The following EP400 variants were observed in gnomAD, a reference collection of about 807,000 sequenced individuals.
EP400 encodes the protein E1A-binding protein p400.
A neutral mutation model predicts 354.1 loss-of-function variants in EP400; 105 were observed. That is an observed-to-expected ratio of 0.30 (90% CI 0.25 to 0.35). EP400 has a LOEUF of 0.35. EP400 is among the 10% of genes least tolerant of loss of function. The pLI is 1.00. For missense variants in EP400, 3,280 were observed against 4,121.0 expected (o/e 0.80, Z 5.59); for synonymous variants, 1,646 against 1,716.9 (o/e 0.96, Z 1.02).
At chr12:132,037,549 C>T (rs1159314788) in intron 30 of EP400, 133 bp from the exon 31 acceptor site, 5 of 707,158 alleles carry the variant, frequency 7.1e-6, no homozygotes, top group African/African-American at 3.5e-5. Context: ...TGGTGCCCCA[C>T]GAAGGCATGT....
intron 38 of EP400, 82 bp downstream of exon 38, chr12:132,045,642 C>A: frequency 1.9e-6 from 3 of 1,602,880 alleles, no homozygotes; most frequent in Non-Finnish European, 2.6e-6. Flanking sequence ...TCACTGTGAT[C>A]ACTTTGCAGG....
intron 48 of EP400, 158 bp downstream of exon 48, chr12:132,065,044 C>A: frequency 1.5e-6 from 2 of 1,322,626 alleles, no homozygotes; most frequent in Non-Finnish European, 2.0e-6. Context: ...GAGGACGGGA[C>A]TCACCACTCG....
At chr12:132,063,283 C>T (rs1038413760) in intron 47 of EP400, among the ~76,000 whole-genome samples, 1 of 152,176 alleles carries the variant, frequency 6.6e-6, no homozygotes, top group East Asian at 1.9e-4. Flanking sequence ...GAGGCCAAGG[C>T]GGGCAGAGCA....
intron 12 of EP400, 144 bp downstream of exon 12, chr12:131,995,100 T>G: frequency 1.4e-6 from 1 of 735,794 alleles, no homozygotes; most frequent in Non-Finnish European, 2.2e-6. Flanking sequence ...CCTGCTGCTC[T>G]CTCTCCTGAC....
At chr12:131,965,613 C>T (rs936721027) in intron 2 of EP400, among the ~76,000 whole-genome samples, 7 of 152,152 alleles carry the variant, frequency 4.6e-5, no homozygotes, top group African/African-American at 1.7e-4. Flanking sequence ...TCCATCACCT[C>T]CCAAAATGTT....
chr12:132,030,128 C>T lies in EP400; in HGVS notation c.5724C>T (p.Ile1908=), dbSNP rs561682595. 5.1e-5 allele frequency: 83 copies of T among 1,614,120 alleles called. No individual in the cohort carries two copies. In the South Asian group the frequency reaches 5.8e-4, roughly 11 times the overall value. The part of the protein sequence containing the change: ...LNFHYLTYVR[I]DENASSEQRQ... ...TCCATTACCTCACCTATGTAAGAAT[C>T]GATGAAAATGCCAGCAGTGAGCAAC... is the stretch of plus-strand genomic sequence containing the variant. Residue 1908 remains isoleucine (I), a synonymous_variant, in exon 29 of 53, where the codon ATC becomes ATT. Transcript: ENST00000389561.
intron 48 of EP400, chr12:132,065,425 G>C (rs1895858004): frequency 6.3e-6 from 1 of 159,202 alleles, no homozygotes; most frequent in South Asian, 1.8e-4. Flanking sequence ...CTAGAGCTCA[G>C]CTAGGGGTAC....
chr12:131,974,863 G>A (rs1036974533), intron 2 of EP400, among the ~76,000 whole-genome samples: 33 of 151,754 alleles, frequency 2.2e-4, no homozygotes, highest in African/African-American at 7.5e-4. Flanking sequence ...GGTGGCAGGC[G>A]CCTGTAATTC....
At chr12:132,044,126 G>T in intron 34 of EP400, 51 bp from the exon 35 acceptor site, 1 of 1,604,682 alleles carries the variant, frequency 6.2e-7, no homozygotes, top group Admixed American at 1.7e-5. Flanking sequence ...CTCGGGGGCT[G>T]CTCTGAGCTG....
intron 24 of EP400, among the ~76,000 whole-genome samples, chr12:132,024,555 A>G (rs543259694): frequency 6.6e-6 from 1 of 152,300 alleles, no homozygotes; most frequent in African/African-American, 2.4e-5. Context: ...GTGTGTTTAT[A>G]TAGTAACTGC....
At position 131,961,864 on chromosome 12, in the gene EP400, A is replaced by G. The variant is rs1295981369; in HGVS notation, c.1245A>G (p.Gln415=). The change falls in exon 2 of 53, where the codon CAA becomes CAG. Residue 415 remains glutamine (Q), a synonymous_variant. Transcript: ENST00000389561. ...AFKKKHYAPL[Q]AYLRQNDLDI... is the part of the protein sequence containing the mutation. ...AGAAGAAACATTATGCCCCATTACA[A>G]GCATATCTTAGGCAGAATGATTTGG... The G allele has an allele frequency of 1.2e-6, 2 of 1,614,208 alleles. No individual in the cohort carries two copies. The highest frequency in any genetic ancestry group is 2.7e-5 in the African/African-American group (2 of 75,044).
intron 16 of EP400, 87 bp downstream of exon 16, chr12:132,011,721 CTTAT>C: frequency 7.1e-7 from 1 of 1,414,070 alleles, no homozygotes; most frequent in Non-Finnish European, 9.5e-7. Flanking sequence ...TGAAGACATG[CTTAT>C]TCATGGAATT....
Position 132,044,925 on chromosome 12 carries a change from G to T in EP400, c.6756G>T (p.Glu2252Asp), listed in dbSNP as rs1248229323. ...AKLPPVYVRK[E>D]RKRHKTDPSA... ...TGCCCCCTGTGTACGTGAGGAAGGA[G>T]CGGAAGCGACACAAAACAGACCCCT... The change falls in exon 37 of 53, where the codon GAG becomes GAT. Residue 2252 changes from glutamate to aspartate, a missense_variant. By Grantham distance (45) the Glu-to-Asp change is conservative. Around this residue, in one of 20 missense-constraint regions of EP400, gnomAD observed 231 missense variants for 257.9 expected, o/e 0.90. Coordinates refer to ENST00000389561, the MANE Select transcript of EP400 (RefSeq NM_015409.5). The T allele has an allele frequency of 6.2e-7, 1 of 1,614,202 alleles. No homozygotes were observed. Among genetic ancestry groups the T allele is most frequent in the Middle Eastern group, 1.6e-4 (1 of 6,062 alleles).
At chr12:132,006,610 T>G (rs1893590638) in intron 14 of EP400, 90 bp from the exon 15 acceptor site, 1 of 1,316,996 alleles carries the variant, frequency 7.6e-7, no homozygotes, top group Non-Finnish European at 1.0e-6. Flanking sequence ...TCTAATTGGT[T>G]TATCATGTGA....
chr12:131,980,676 G>A (rs1008130952), intron 3 of EP400, among the ~76,000 whole-genome samples: 1 of 152,150 alleles, frequency 6.6e-6, no homozygotes, highest in East Asian at 1.9e-4. Context: ...CTCCTGAGTA[G>A]CTGGGACTAC....
Position 132,069,479 on chromosome 12 carries a change from C to CA in EP400, c.8875-16_8875-15insA, listed in dbSNP as rs772129827. 1.9e-5 allele frequency: 30 copies of CA among 1,611,918 alleles called. No individual in the cohort carries two copies. Among genetic ancestry groups the CA allele is most frequent in the South Asian group, 1.4e-4 (13 of 90,992 alleles). On this transcript the variant is annotated splice_polypyrimidine_tract_variant and intron_variant, in intron 50 of 52. Coordinates refer to ENST00000389561, the MANE Select transcript of EP400 (RefSeq NM_015409.5). ...GGCATGGTCTCTGCGGCCCTAATTT[C>CA]GCAGTCTCTCCCCAGATCACCGCAC...
intron 12 of EP400, among the ~76,000 whole-genome samples, chr12:132,000,491 A>T (rs553355529): frequency 3.3e-5 from 5 of 152,226 alleles, no homozygotes; most frequent in Admixed American, 3.3e-4. Flanking sequence ...TGATTGCATT[A>T]TCCAGTTCTT....
intron 1 of EP400, among the ~76,000 whole-genome samples, chr12:131,954,187 C>T (rs907863192): frequency 1.3e-5 from 2 of 151,842 alleles, no homozygotes; most frequent in Middle Eastern, 3.2e-3. Flanking sequence ...TTTACCATAC[C>T]TGCTTCATCA....
chr12:132,050,181 G>T lies in EP400; in HGVS notation c.7201-142G>T. 9.7e-7 allele frequency: 1 copy of T among 1,035,938 alleles called. No homozygotes were observed. Among genetic ancestry groups the T allele is most frequent in the South Asian group, 1.6e-5 (1 of 62,240 alleles). 64.2% of individuals were successfully genotyped at this position (1,035,938 alleles called of 1,614,324 possible). A position where few individuals can be genotyped will look rare whatever the true frequency, so the allele number is the denominator to read the frequency against. On this transcript the variant is annotated intron_variant, in intron 39 of 52. Coordinates refer to ENST00000389561, the MANE Select transcript of EP400 (RefSeq NM_015409.5). The surrounding 1 kb of genome is among the most constrained non-coding windows in gnomAD (Gnocchi z 4.8). The stretch of plus-strand genomic sequence containing the variant: ...CTGCTGTTGGGTTATGCCTGAACTT[G>T]GAAAGAAGGCCCAGGAAAAGGAAGT...
Sources: gnomAD v4.1 joint callset for allele counts (sites outside exome capture counted in the v4.1 genomes callset) on GRCh38, gnomAD v4.1.1 for gene constraint, gnomAD v4.1.1 regional missense constraint, Gnocchi (gnomAD v3.1) non-coding constraint, MANE v1.5 for transcripts, NCBI Gene and HGNC (gene_info 2026-07-23, HGNC 2026-07-21) for gene names.